The following TEX11 variants were observed in gnomAD, a reference collection of about 807,000 sequenced individuals.
TEX11 encodes testis-expressed protein 11.
In TEX11, 7 loss-of-function variants were observed where a neutral mutation model predicts 84.4. That is an observed-to-expected ratio of 0.08 (90% CI 0.05 to 0.16). The LOEUF (loss-of-function observed/expected upper bound fraction) is 0.16, where lower values mean the gene tolerates loss of function less well. TEX11 is among the 10% of genes least tolerant of loss of function. The pLI is 1.00. For missense variants in TEX11, 551 were observed against 660.5 expected, an observed-to-expected ratio of 0.83 and a Z score of 1.82; for synonymous variants, 264 against 222.8, an observed-to-expected ratio of 1.18 and a Z score of -1.64.
chrX:70,703,614 T>C (rs1217091642), intron 13 of TEX11, among the ~76,000 whole-genome samples: 1 of 111,698 alleles, frequency 9.0e-6, no homozygotes, highest in African/African-American at 3.2e-5. Flanking sequence ...TGGGGTTGGA[T>C]TTTCCCATTT....
At chrX:70,612,928 G>A (rs539790888) in intron 20 of TEX11, among the ~76,000 whole-genome samples, 1 of 110,876 alleles carries the variant, frequency 9.0e-6, no homozygotes, top group Non-Finnish European at 1.9e-5. Flanking sequence ...CTGAAAAAAA[G>A]CCTGAGGAAA....
At chrX:70,824,886 A>G (rs1305570286) in intron 8 of TEX11, among the ~76,000 whole-genome samples, 1 of 111,899 alleles carries the variant, frequency 8.9e-6, no homozygotes, top group Admixed American at 9.6e-5. Context: ...AATTGAAACA[A>G]CATTGAAACC....
Position 70,880,059 on chromosome X carries a change from C to A in TEX11, c.88G>T (p.Ala30Ser). Residue 30 changes from alanine (A) to serine (S), a missense_variant, in exon 3 of 30, where the codon GCA becomes TCA. Physicochemically the swap from Ala to Ser is moderately conservative, Grantham distance 99. Transcript: ENST00000374333. ...ATGTCGCTGAAGAGTCTATCAATTG[C>A]CTCTGGTATGTTAGGTGAATTATCA... The part of the protein sequence containing the change: ...TNDNSPNIPE[A>S]IDRLFSDIAN... 8.5e-7 allele frequency: 1 copy of A among 1,179,842 alleles called. No homozygotes were observed. The highest frequency in any genetic ancestry group is 1.1e-6 in the Non-Finnish European group (1 of 871,163).
intron 13 of TEX11, among the ~76,000 whole-genome samples, chrX:70,718,141 CT>C (rs1284060630): frequency 8.9e-6 from 1 of 111,747 alleles, no homozygotes; most frequent in African/African-American, 3.3e-5. Flanking sequence ...CAGCAAATGT[CT>C]ACTACATACT....
At chrX:70,745,760 C>A (rs983731826) in intron 9 of TEX11, among the ~76,000 whole-genome samples, 4 of 111,843 alleles carry the variant, frequency 3.6e-5, no homozygotes, top group Non-Finnish European at 7.5e-5. Context: ...TATAAATAAA[C>A]ATAAACTATA....
At chrX:70,703,656 A>G (rs755890949) in intron 13 of TEX11, among the ~76,000 whole-genome samples, 1 of 111,046 alleles carries the variant, frequency 9.0e-6, no homozygotes, top group African/African-American at 3.3e-5. Flanking sequence ...TTTCTTTCCA[A>G]TTTACTGCCA....
chrX:70,787,175 TC>T, intron 9 of TEX11, among the ~76,000 whole-genome samples: 1 of 112,053 alleles, frequency 8.9e-6, no homozygotes, highest in Non-Finnish European at 1.9e-5. Flanking sequence ...CAACATTTTT[TC>T]ATTATAAAAC....
the TEX11 span, among the ~76,000 whole-genome samples, chrX:70,520,221 T>A: frequency 1.8e-5 from 2 of 112,216 alleles, no homozygotes; most frequent in Non-Finnish European, 3.8e-5. Context: ...AATTTTCAGC[T>A]TTTCTACTCT....
chrX:70,626,492 C>A (rs181843884), intron 18 of TEX11, among the ~76,000 whole-genome samples: 1 of 111,171 alleles, frequency 9.0e-6, no homozygotes, highest in Non-Finnish European at 1.9e-5. Flanking sequence ...GTAAGACCCC[C>A]AACCCACTGA....
chrX:70,581,265 C>G (rs2088771080), intron 25 of TEX11, among the ~76,000 whole-genome samples: 1 of 99,729 alleles, frequency 1.0e-5, no homozygotes, highest in Admixed American at 1.2e-4. Context: ...CTTGGCCTCA[C>G]TAAGCAGTTT....
chrX:70,705,145 A>G (rs988067207), intron 13 of TEX11, among the ~76,000 whole-genome samples: 1 of 110,985 alleles, frequency 9.0e-6, no homozygotes, highest in African/African-American at 3.3e-5. Flanking sequence ...GTTCTGTTCC[A>G]TTGGTCTATA....
At chrX:70,753,148 C>T (rs1009611882) in intron 9 of TEX11, among the ~76,000 whole-genome samples, 1 of 91,568 alleles carries the variant, frequency 1.1e-5, no homozygotes, top group Non-Finnish European at 2.0e-5. Flanking sequence ...ACTGCAACTC[C>T]TAAGAGAGTC....
At chrX:70,810,348 G>A (rs1326268621) in intron 8 of TEX11, among the ~76,000 whole-genome samples, 1 of 112,199 alleles carries the variant, frequency 8.9e-6, no homozygotes, top group Admixed American at 9.5e-5. Context: ...ACACACGTAT[G>A]TTTATTTCAA....
chrX:70,714,013 A>C (rs941976332), intron 13 of TEX11, among the ~76,000 whole-genome samples: 7 of 111,738 alleles, frequency 6.3e-5, no homozygotes, highest in African/African-American at 2.0e-4. Context: ...ATTGGTTTCA[A>C]AGAACATCTT....
At chrX:70,899,673 C>G (rs952632146) in intron 2 of TEX11, among the ~76,000 whole-genome samples, 1 of 106,930 alleles carries the variant, frequency 9.4e-6, no homozygotes, top group Non-Finnish European at 1.9e-5. Context: ...CTCCTGTAAT[C>G]TGGAGGCCGA....
chrX:70,654,839 G>A (rs1378490149), intron 16 of TEX11, among the ~76,000 whole-genome samples: 1 of 108,925 alleles, frequency 9.2e-6, no homozygotes, highest in Admixed American at 9.9e-5. Flanking sequence ...AAACAAAAAT[G>A]GTCAGACTGG....
intron 24 of TEX11, among the ~76,000 whole-genome samples, chrX:70,603,898 G>GAGC (rs143416197): frequency 0.12 from 12,694 of 109,899 alleles, 603 homozygotes; most frequent in Middle Eastern, 0.19. Context: ...CGAAGGACAT[G>GAGC]AACAAGTATT....
chrX:70,525,387 A>G (rs189454138), downstream of TEX11, among the ~76,000 whole-genome samples: 7 of 111,100 alleles, frequency 6.3e-5, no homozygotes, highest in East Asian at 2.0e-3. Flanking sequence ...GGAGTTCGAG[A>G]GCAGCCTGGG....
chrX:70,712,546 G>C (rs951805715), intron 13 of TEX11, among the ~76,000 whole-genome samples: 1 of 111,084 alleles, frequency 9.0e-6, no homozygotes, highest in Non-Finnish European at 1.9e-5. Context: ...TATTCTCTTT[G>C]AAGCAACTGT....
Sources: gnomAD v4.1 joint callset for allele counts (sites outside exome capture counted in the v4.1 genomes callset) on GRCh38, gnomAD v4.1.1 for gene constraint, MANE v1.5 for transcripts, NCBI Gene and HGNC (gene_info 2026-07-23, HGNC 2026-07-21) for gene names.